Variants in C2orf49 observed in about 807,000 individuals in gnomAD.
C2orf49 encodes the protein tRNA-splicing ligase complex subunit ASW.
In C2orf49, 11 loss-of-function variants were observed where a neutral mutation model predicts 20.6. The observed-to-expected ratio is 0.53, with a 90% confidence interval of 0.34 to 0.88. The LOEUF (loss-of-function observed/expected upper bound fraction) is 0.88. Among genes scored for constraint, C2orf49 ranks in the 40% least tolerant of loss-of-function variants. The pLI is 0.02. For synonymous variants in C2orf49, 134 were observed against 108.5 expected (o/e 1.24, Z -1.46); for missense variants, 289 against 274.2 (o/e 1.05, Z -0.38).
Position 105,343,067 on chromosome 2 carries a change from T to C in C2orf49, c.486T>C (p.Asn162=), listed in dbSNP as rs748553098. 5 of 1,614,084 alleles carry C rather than the reference T, an allele frequency of 3.1e-6. No individual in the cohort carries two copies. Among genetic ancestry groups the C allele is most frequent in the Middle Eastern group, 1.6e-4 (1 of 6,084 alleles). Reference sequence around the variant, plus strand: ...TGTCTTCCAATTTGCCTGTGAACAATAAAACGGAACACAATAATAATGACG... The same window carrying C: ...TGTCTTCCAATTTGCCTGTGAACAACAAAACGGAACACAATAATAATGACG... ...LILSSNLPVN[N]KTEHNNNDAK... The change falls in exon 3 of 4, where the codon AAT becomes AAC. Residue 162 remains asparagine (N), a synonymous_variant. Coordinates refer to ENST00000258457, the MANE Select transcript of C2orf49 (RefSeq NM_024093.3).
At chr2:105,380,525 G>A in the C2orf49 span, among the ~76,000 whole-genome samples, 6 of 152,096 alleles carry the variant, frequency 3.9e-5, no homozygotes, top group Non-Finnish European at 7.4e-5. Context: ...CACCACGCCC[G>A]GCTCAAGTGA....
At chr2:105,367,767 C>A in the C2orf49 span, 5 of 1,606,112 alleles carry the variant, frequency 3.1e-6, no homozygotes, top group South Asian at 1.1e-5. Context: ...AGGAACACAG[C>A]AGAGTTATGG....
the C2orf49 span, chr2:105,376,227 A>G: frequency 1.1e-4 from 16 of 152,246 alleles, no homozygotes; most frequent in African/African-American, 3.9e-4. Context: ...GAGCTAAGCC[A>G]AGCTTCGAGC....
chr2:105,381,207 G>A, the C2orf49 span, among the ~76,000 whole-genome samples: 9 of 152,276 alleles, frequency 5.9e-5, no homozygotes, highest in East Asian at 1.7e-3. Flanking sequence ...CATGCTCAGC[G>A]TTATGAAAAG....
the C2orf49 span, chr2:105,359,763 G>A: frequency 6.6e-6 from 1 of 152,198 alleles, no homozygotes; most frequent in African/African-American, 2.4e-5. Context: ...AAGGCTCCCA[G>A]TGTGCCCTCA....
chr2:105,350,958 T>C (rs1355679045), downstream of C2orf49, among the ~76,000 whole-genome samples: 1 of 152,204 alleles, frequency 6.6e-6, no homozygotes, highest in Non-Finnish European at 1.5e-5. Context: ...CTACCCAGGG[T>C]ACCATGTTAT....
At chr2:105,362,243 T>C in the C2orf49 span, among the ~76,000 whole-genome samples, 1 of 152,218 alleles carries the variant, frequency 6.6e-6, no homozygotes, top group Non-Finnish European at 1.5e-5. Flanking sequence ...ATCTGGTATA[T>C]AAATGACCAG....
In C2orf49 at chr2:105,346,250, G is replaced by A. The variant is rs1272331069; in HGVS notation, c.*879G>A. The stretch of plus-strand genomic sequence containing the variant: ...CAGATAAAAATGCTGTTCTTTAATT[G>A]CTTACATTGCTTCTTCCCATAAAAA... On this transcript the variant is annotated 3_prime_UTR_variant, in exon 4 of 4. Transcript: ENST00000258457. The A allele has an allele frequency of 1.3e-5, 2 of 152,116 alleles. No individual in the cohort carries two copies. Among genetic ancestry groups the A allele is most frequent in the East Asian group, 3.9e-4 (2 of 5,172 alleles). The allele number at this position is 152,116 out of a possible 1,614,324, so 9.4% of individuals were successfully genotyped here.
chr2:105,354,159 A>G (rs942041311), downstream of C2orf49, among the ~76,000 whole-genome samples: 1 of 152,228 alleles, frequency 6.6e-6, no homozygotes, highest in African/African-American at 2.4e-5. Flanking sequence ...TTTTCCAGAG[A>G]TAAAGCTTTC....
At chr2:105,385,583 T>C in the C2orf49 span, among the ~76,000 whole-genome samples, 1 of 152,222 alleles carries the variant, frequency 6.6e-6, no homozygotes, top group Non-Finnish European at 1.5e-5. Flanking sequence ...TTCACGGCAC[T>C]CAGGATGACA....
At chr2:105,342,614 G>T (rs1679700682) in intron 2 of C2orf49, among the ~76,000 whole-genome samples, 1 of 152,136 alleles carries the variant, frequency 6.6e-6, no homozygotes, top group Non-Finnish European at 1.5e-5. Flanking sequence ...GCTGCATGTT[G>T]TGTATACATG....
At chr2:105,382,729 T>C in the C2orf49 span, among the ~76,000 whole-genome samples, 4 of 152,072 alleles carry the variant, frequency 2.6e-5, no homozygotes, top group Non-Finnish European at 4.4e-5. Context: ...TCCAAGCACA[T>C]GGGTGGGTAT....
chr2:105,366,087 T>C, the C2orf49 span, among the ~76,000 whole-genome samples: 2 of 151,782 alleles, frequency 1.3e-5, no homozygotes, highest in Non-Finnish European at 2.9e-5. Flanking sequence ...CGCACGCCTG[T>C]AATCTCAGCT....
the C2orf49 span, chr2:105,373,691 G>A: frequency 3.1e-6 from 5 of 1,614,186 alleles, no homozygotes; most frequent in Non-Finnish European, 4.2e-6. Flanking sequence ...TGCGAGCAGT[G>A]GAAACAGGCT....
the C2orf49 span, chr2:105,358,989 G>T: frequency 6.6e-6 from 1 of 152,196 alleles, no homozygotes; most frequent in Non-Finnish European, 1.5e-5. Flanking sequence ...TAGATCCCTG[G>T]CGGGGGCCTG....
At chr2:105,369,277 C>T in the C2orf49 span, among the ~76,000 whole-genome samples, 3 of 152,210 alleles carry the variant, frequency 2.0e-5, no homozygotes, top group African/African-American at 4.8e-5. Flanking sequence ...TTATAGGAGT[C>T]TATAGACTAG....
At chr2:105,351,309 CCGCG>C (rs1396385390), downstream of C2orf49, among the ~76,000 whole-genome samples, 16 of 114,140 alleles carry the variant, frequency 1.4e-4, 1 homozygote, top group African/African-American at 5.0e-4. Context: ...TTTTTGCCCA[CCGCG>C]CCCCCCCCCC....
the C2orf49 span, among the ~76,000 whole-genome samples, chr2:105,369,731 T>C: frequency 6.6e-6 from 1 of 152,242 alleles, no homozygotes; most frequent in Non-Finnish European, 1.5e-5. Context: ...ATCTCTGACA[T>C]TCATTCTGAT....
chr2:105,385,265 TG>T, the C2orf49 span, among the ~76,000 whole-genome samples: 1 of 152,188 alleles, frequency 6.6e-6, no homozygotes, highest in African/African-American at 2.4e-5. Context: ...ACTAAATCCC[TG>T]GGAACAGAAA....
Sources: allele counts gnomAD v4.1 joint callset (sites outside exome capture counted in the v4.1 genomes callset), GRCh38; gene constraint gnomAD v4.1.1; transcripts MANE v1.5; gene names NCBI Gene and HGNC (gene_info 2026-07-23, HGNC 2026-07-21).